Variants in MGST1 observed in about 807,000 individuals in gnomAD.
MGST1 encodes the protein microsomal glutathione S-transferase 1.
In MGST1, 5 loss-of-function variants were observed where a neutral mutation model predicts 8.9. The observed-to-expected ratio is 0.56, with a 90% CI of 0.29 to 1.19. MGST1 has a LOEUF of 1.19. Among genes scored for constraint, MGST1 ranks in the 50% most tolerant of loss-of-function variants. The pLI is 0.08. For synonymous variants in MGST1, 54 were observed against 67.8 expected (o/e 0.80, Z 1.00); for missense variants, 182 against 187.4 (o/e 0.97, Z 0.17).
At chr12:16,382,423 G>T (rs1291542821), upstream of MGST1, among the ~76,000 whole-genome samples, 1 of 152,140 alleles carries the variant, frequency 6.6e-6, no homozygotes, top group Non-Finnish European at 1.5e-5. Flanking sequence ...TGTTTGCCTG[G>T]GTATCAGCAG....
intron 4 of MGST1, among the ~76,000 whole-genome samples, chr12:16,481,952 G>A (rs569424446): frequency 1.9e-4 from 29 of 152,160 alleles, no homozygotes; most frequent in African/African-American, 7.0e-4. Flanking sequence ...TAGTAAAATT[G>A]CGGAACACCA....
chr12:16,501,115 A>G (rs907404936), intron 4 of MGST1, among the ~76,000 whole-genome samples: 19 of 151,846 alleles, frequency 1.3e-4, no homozygotes, highest in Middle Eastern at 6.8e-3. Flanking sequence ...AAAAAAAAAA[A>G]AAAGAAAGAA....
chr12:16,533,809 C>T (rs757646492), intron 4 of MGST1, among the ~76,000 whole-genome samples: 20 of 152,090 alleles, frequency 1.3e-4, no homozygotes, highest in Admixed American at 2.0e-4. Flanking sequence ...GTATCTAACT[C>T]GGGCTTGCAG....
rs539767960 is a variant in MGST1, at chr12:16,582,214, C to CT, written n.483-7309dup. ...GAAATGGCTGAATTTTATCAATTGC[C>CT]TTTTTGGTACAGACTGCCATAACTA... is the stretch of plus-strand genomic sequence containing the variant. On this transcript the variant is annotated intron_variant and non_coding_transcript_variant, in intron 4 of 4. Coordinates refer to the MGST1 transcript ENST00000538857. The surrounding 1 kb of genome is among the most constrained non-coding windows in gnomAD (Gnocchi z 4.1). 1.1e-4 allele frequency among the ~76,000 whole-genome samples: 17 copies of CT among 152,232 alleles called. No homozygotes were observed. The East Asian group carries it at 3.3e-3, about 29-fold the overall frequency.
intron 4 of MGST1, among the ~76,000 whole-genome samples, chr12:16,572,126 T>A (rs1182983442): frequency 6.6e-6 from 1 of 151,972 alleles, no homozygotes; most frequent in Non-Finnish European, 1.5e-5. Context: ...GTACATTTCA[T>A]TAGTATTAAT....
intron 4 of MGST1, among the ~76,000 whole-genome samples, chr12:16,484,946 T>A (rs771345439): frequency 6.6e-6 from 1 of 152,248 alleles, no homozygotes; most frequent in Non-Finnish European, 1.5e-5. Context: ...ATGCCCACTA[T>A]ATTCATTTAT....
rs568774192 is a variant in MGST1, at chr12:16,472,390, C to T, written n.482+88786C>T. The stretch of plus-strand genomic sequence containing the variant: ...AATCAAGAGTTTTAAATTGGGTAAA[C>T]GCCTGCCCACCTGGTTACTCAGTTG... On this transcript the variant is annotated intron_variant and non_coding_transcript_variant, in intron 4 of 4. Coordinates refer to the MGST1 transcript ENST00000538857. 5.3e-5 allele frequency among the ~76,000 whole-genome samples: 8 copies of T among 150,768 alleles called. No individual in the cohort carries two copies. The South Asian group carries it at 1.3e-3, about 24-fold the overall frequency.
At chr12:16,468,253 A>G (rs1265236518) in intron 4 of MGST1, among the ~76,000 whole-genome samples, 1 of 152,214 alleles carries the variant, frequency 6.6e-6, no homozygotes, top group Non-Finnish European at 1.5e-5. Flanking sequence ...CTAGGTCAAA[A>G]TGAACACAAA....
chr12:16,431,455 CTT>C (rs371423460), intron 1 of MGST1, among the ~76,000 whole-genome samples: 4 of 144,662 alleles, frequency 2.8e-5, no homozygotes, highest in Admixed American at 6.9e-5. Flanking sequence ...ATGTGCAACT[CTT>C]TTTTTTTTTT....
In MGST1 at chr12:16,447,266, T is replaced by A. The variant is rs150800546; in HGVS notation, n.482+63662T>A. On this transcript the variant is annotated intron_variant and non_coding_transcript_variant, in intron 4 of 4. Transcript: ENST00000538857. The stretch of plus-strand genomic sequence containing the variant: ...CAAAACTCTTAAAACCAGTCATTTA[T>A]CCAAATATGCTGGCTAATCATTGAA... Among the ~76,000 whole-genome samples the A allele has an allele frequency of 2.0e-4, 31 of 152,058 alleles. No individual in the cohort carries two copies. In the East Asian group the frequency reaches 3.7e-3, roughly 18 times the overall value.
chr12:16,352,702 A>G (rs1939524101), intron 1 of MGST1, among the ~76,000 whole-genome samples: 1 of 152,190 alleles, frequency 6.6e-6, no homozygotes, highest in African/African-American at 2.4e-5. Context: ...AGATAACTAC[A>G]TTCCTCTACT....
Position 16,537,141 on chromosome 12 carries a change from C to T in MGST1, n.483-52387C>T, listed in dbSNP as rs1283360826. Among the ~76,000 whole-genome samples, 1 of 152,124 alleles carries T rather than the reference C, an allele frequency of 6.6e-6. No individual in the cohort carries two copies. The highest frequency in any genetic ancestry group is 2.4e-5 in the African/African-American group (1 of 41,430). On this transcript the variant is annotated intron_variant and non_coding_transcript_variant, in intron 4 of 4. Coordinates refer to the MGST1 transcript ENST00000538857. The surrounding 1 kb of genome is among the most constrained non-coding windows in gnomAD (Gnocchi z 4.6). ...CAGGTATTGGGTAAATACAGCTGTT[C>T]CAAATGGGGGAAATTGGCCAAAATA...
chr12:16,462,937 T>C (rs1941231003), intron 4 of MGST1, among the ~76,000 whole-genome samples: 1 of 152,202 alleles, frequency 6.6e-6, no homozygotes, highest in African/African-American at 2.4e-5. Flanking sequence ...CCTTTGTGAC[T>C]GATAACTTTG....
intron 1 of MGST1, chr12:16,399,696 T>A (rs1343636673): frequency 8.3e-6 from 11 of 1,318,030 alleles, no homozygotes; most frequent in Non-Finnish European, 1.2e-5. Context: ...GCCCTCAGGG[T>A]CATCAACAAT....
At position 16,585,236 on chromosome 12, in the gene MGST1, A is replaced by C. The variant is rs1384777427; in HGVS notation, n.483-4292A>C. On this transcript the variant is annotated intron_variant and non_coding_transcript_variant, in intron 4 of 4. Transcript: ENST00000538857. The surrounding 1 kb of genome is among the most constrained non-coding windows in gnomAD (Gnocchi z 4.7). ...TGTAATTCCCGTCTTAGCCCTTGGC[A>C]AGATAAATAATTCAGCCTATTTTAT... Among the ~76,000 whole-genome samples the C allele has an allele frequency of 6.6e-6, 1 of 152,178 alleles. No homozygotes were observed. The highest frequency in any genetic ancestry group is 1.5e-5 in the Non-Finnish European group (1 of 68,036).
Position 16,560,567 on chromosome 12 carries a change from A to G in MGST1, n.483-28961A>G. The G allele has an allele frequency of 6.6e-7, 1 of 1,517,330 alleles. No homozygotes were observed. The highest frequency in any genetic ancestry group is 9.1e-7 in the Non-Finnish European group (1 of 1,103,692). 94.0% of individuals were successfully genotyped at this position (1,517,330 alleles called of 1,614,324 possible). A position where few individuals can be genotyped will look rare whatever the true frequency, so the allele number is the denominator to read the frequency against. On this transcript the variant is annotated intron_variant and non_coding_transcript_variant, in intron 4 of 4. Transcript: ENST00000538857. The surrounding 1 kb of genome is among the most constrained non-coding windows in gnomAD (Gnocchi z 5.0). ...GAATAAGAAACATTTTTTTTTTTTT[A>G]CAAACTCTTACAGAGAAATCTGAGA... is the stretch of plus-strand genomic sequence containing the variant.
At chr12:16,509,171 C>G (rs1333795692) in intron 4 of MGST1, among the ~76,000 whole-genome samples, 1 of 151,970 alleles carries the variant, frequency 6.6e-6, no homozygotes, top group African/African-American at 2.4e-5. Context: ...TTAAAGAAAA[C>G]ATAATATTGC....
chr12:16,447,042 C>T (rs949132758), intron 4 of MGST1, among the ~76,000 whole-genome samples: 1 of 151,908 alleles, frequency 6.6e-6, no homozygotes, highest in Non-Finnish European at 1.5e-5. Context: ...CACAGTCTGC[C>T]ATAGCAACTC....
chr12:16,349,832 C>G (rs190623274), intron 1 of MGST1, among the ~76,000 whole-genome samples: 1 of 151,426 alleles, frequency 6.6e-6, no homozygotes, highest in African/African-American at 2.4e-5. Flanking sequence ...GCAAACTCCG[C>G]TTCCCGGGTT....
Sources: gnomAD v4.1 joint callset for allele counts (sites outside exome capture counted in the v4.1 genomes callset) on GRCh38, gnomAD v4.1.1 for gene constraint, Gnocchi (gnomAD v3.1) non-coding constraint, MANE v1.5 for transcripts, NCBI Gene and HGNC (gene_info 2026-07-23, HGNC 2026-07-21) for gene names.